SMOC1: variants seen among roughly 807,000 people sequenced by gnomAD.
The protein encoded by SMOC1 is SPARC-related modular calcium-binding protein 1.
A neutral mutation model predicts 56.3 loss-of-function variants in SMOC1; 22 were observed. That is an observed-to-expected ratio of 0.39 (90% CI 0.28 to 0.56). The LOEUF is 0.56. Among genes scored for constraint, SMOC1 ranks in the 20% least tolerant of loss-of-function variants. SMOC1 has a pLI of 0.61. For synonymous variants in SMOC1, 193 were observed against 215.0 expected, an observed-to-expected ratio of 0.90 and a Z score of 0.89; for missense variants, 509 against 565.4, an observed-to-expected ratio of 0.90 and a Z score of 1.01.
At chr14:69,923,619 TG>T (rs1884910625) in intron 1 of SMOC1, among the ~76,000 whole-genome samples, 1 of 152,166 alleles carries the variant, frequency 6.6e-6, no homozygotes, top group South Asian at 2.1e-4. Flanking sequence ...TCGAGTCCCT[TG>T]GCTTTAGATC....
intron 5 of SMOC1, among the ~76,000 whole-genome samples, chr14:69,985,199 C>T (rs1308273060): frequency 6.6e-6 from 1 of 151,720 alleles, no homozygotes; most frequent in Non-Finnish European, 1.5e-5. Flanking sequence ...CAGGATGTCA[C>T]TACATATCTA....
chr14:70,030,119 G>T, intron 11 of SMOC1, 123 bp from the exon 12 acceptor site: 1 of 1,445,730 alleles, frequency 6.9e-7, no homozygotes, highest in East Asian at 2.3e-5. Flanking sequence ...GGTGGAAAAG[G>T]CTGCACTTGT....
chr14:69,985,183 C>T (rs1017800658), intron 5 of SMOC1, among the ~76,000 whole-genome samples: 1 of 152,072 alleles, frequency 6.6e-6, no homozygotes, highest in African/African-American at 2.4e-5. Flanking sequence ...CAAAATAAGT[C>T]CATGGCAGGA....
At chr14:69,914,938 C>T (rs1187393294) in intron 1 of SMOC1, among the ~76,000 whole-genome samples, 1 of 152,056 alleles carries the variant, frequency 6.6e-6, no homozygotes, top group Non-Finnish European at 1.5e-5. Flanking sequence ...ATGATCTTGG[C>T]TCGCTGCAAC....
At chr14:69,928,281 A>G (rs1227764255) in intron 1 of SMOC1, among the ~76,000 whole-genome samples, 1 of 152,240 alleles carries the variant, frequency 6.6e-6, no homozygotes, top group African/African-American at 2.4e-5. Context: ...TTCCTCAGCT[A>G]TGCCGGGTCT....
chr14:69,905,220 T>C (rs1884375651), intron 1 of SMOC1, among the ~76,000 whole-genome samples: 1 of 152,000 alleles, frequency 6.6e-6, no homozygotes, highest in African/African-American at 2.4e-5. Flanking sequence ...GTCAAAGCAG[T>C]CCCGCCTGAT....
chr14:69,961,477 C>T (rs538527897), intron 3 of SMOC1, among the ~76,000 whole-genome samples: 5 of 151,640 alleles, frequency 3.3e-5, no homozygotes, highest in South Asian at 2.1e-4. Context: ...ACCTCCTGGT[C>T]TCAATTGATC....
At chr14:70,021,715 T>C (rs965602686) in intron 10 of SMOC1, among the ~76,000 whole-genome samples, 8 of 152,042 alleles carry the variant, frequency 5.3e-5, no homozygotes, top group Admixed American at 1.3e-4. Flanking sequence ...TGGCTTTTTT[T>C]CCCCCCGCAT....
intron 11 of SMOC1, among the ~76,000 whole-genome samples, chr14:70,027,766 GATA>G (rs1270531011): frequency 2.0e-5 from 3 of 152,224 alleles, no homozygotes; most frequent in African/African-American, 7.2e-5. Flanking sequence ...GATGTAATCA[GATA>G]ATGTGTGTGA....
intron 10 of SMOC1, among the ~76,000 whole-genome samples, chr14:70,021,415 C>A (rs1303035860): frequency 6.6e-6 from 1 of 152,188 alleles, no homozygotes; most frequent in Non-Finnish European, 1.5e-5. Flanking sequence ...CTGGCAGAGA[C>A]AAAATCTGAG....
chr14:69,952,540 C>T (rs114541126), intron 2 of SMOC1, among the ~76,000 whole-genome samples: 1 of 152,260 alleles, frequency 6.6e-6, no homozygotes, highest in South Asian at 2.1e-4. Context: ...GTGCTGCTAT[C>T]TGGCCAGCGC....
At position 69,975,758 on chromosome 14, in the gene SMOC1, C is replaced by T. The variant is rs779024905; in HGVS notation, c.422C>T (p.Pro141Leu). The T allele has an allele frequency of 2.6e-5, 42 of 1,612,926 alleles. No individual in the cohort carries two copies. Among genetic ancestry groups the T allele is most frequent in the African/African-American group, 1.3e-4 (10 of 74,874 alleles). The change falls in exon 4 of 12, where the codon CCG becomes CTG. Residue 141 changes from proline to leucine, a missense_variant. Pro to Leu is a moderately conservative substitution (Grantham distance 98, BLOSUM62 -3). This residue lies in a region of SMOC1 where 315 missense variants were observed against 333.1 expected (regional missense o/e 0.95). Coordinates refer to ENST00000361956, the MANE Select transcript of SMOC1 (RefSeq NM_001034852.3). ...ACTGGGTACTGCTGGTGTGTCACCCCGGATGGGAAGCCCATCAGTGGCTCT... is the reference window on the plus strand; with the variant it reads ...ACTGGGTACTGCTGGTGTGTCACCCTGGATGGGAAGCCCATCAGTGGCTCT... The part of the protein sequence containing the change: ...TYTGYCWCVT[P>L]DGKPISGSSV...
At chr14:69,951,088 C>G (rs1458926033) in intron 1 of SMOC1, among the ~76,000 whole-genome samples, 1 of 152,174 alleles carries the variant, frequency 6.6e-6, no homozygotes, top group African/African-American at 2.4e-5. Context: ...GGGCATTTCT[C>G]TGTCTGCATG....
At chr14:69,948,149 C>T (rs990450974) in intron 1 of SMOC1, among the ~76,000 whole-genome samples, 1 of 152,184 alleles carries the variant, frequency 6.6e-6, no homozygotes, top group Non-Finnish European at 1.5e-5. Flanking sequence ...ACAGAGTAAT[C>T]CCTTTGGGGC....
intron 10 of SMOC1, among the ~76,000 whole-genome samples, chr14:70,018,174 C>T (rs185908457): frequency 6.6e-6 from 1 of 152,078 alleles, no homozygotes; most frequent in Admixed American, 6.5e-5. Flanking sequence ...GCAGAGTCAT[C>T]CTGATGGCAC....
At chr14:69,993,529 G>A (rs932576331) in intron 6 of SMOC1, among the ~76,000 whole-genome samples, 2 of 152,312 alleles carry the variant, frequency 1.3e-5, no homozygotes, top group African/African-American at 4.8e-5. Flanking sequence ...AGTGACAGAA[G>A]AATAAAAAGA....
At chr14:69,974,888 C>A (rs1316669752) in intron 3 of SMOC1, among the ~76,000 whole-genome samples, 1 of 152,046 alleles carries the variant, frequency 6.6e-6, no homozygotes, top group African/African-American at 2.4e-5. Flanking sequence ...GCCCTCATCT[C>A]AAGACAGTCA....
intron 1 of SMOC1, among the ~76,000 whole-genome samples, chr14:69,893,446 G>A (rs1199435329): frequency 1.5e-4 from 23 of 152,184 alleles, no homozygotes; most frequent in Non-Finnish European, 5.9e-5. Context: ...GGCTGCATGC[G>A]ATTGCAAAGC....
intron 1 of SMOC1, among the ~76,000 whole-genome samples, chr14:69,927,029 C>T (rs565669573): frequency 5.9e-5 from 9 of 152,354 alleles, no homozygotes; most frequent in Non-Finnish European, 8.8e-5. Flanking sequence ...TGTCTTCACT[C>T]GCACTTCACT....
Sources: allele counts gnomAD v4.1 joint callset (sites outside exome capture counted in the v4.1 genomes callset), GRCh38; gene constraint gnomAD v4.1.1; regional missense constraint gnomAD v4.1.1; transcripts MANE v1.5; gene names NCBI Gene and HGNC (gene_info 2026-07-23, HGNC 2026-07-21).